Variants in PDE1C observed in about 807,000 individuals in gnomAD.
PDE1C encodes phosphodiesterase 1C, also known as dual specificity calcium/calmodulin-dependent 3',5'-cyclic nucleotide phosphodiesterase 1C.
Under a neutral mutation model 93.1 loss-of-function variants are expected in PDE1C, and 62 were observed. The ratio of observed to expected loss-of-function variants is 0.67; its 90% CI spans 0.54 to 0.82. The LOEUF (loss-of-function observed/expected upper bound fraction) is 0.82. Ranked by LOEUF, PDE1C falls within the 40% of genes least tolerant of loss-of-function variation. PDE1C has a pLI of 0.00. For missense variants in PDE1C, 742 were observed against 884.6 expected, an observed-to-expected ratio of 0.84 and a Z score of 2.04; for synonymous variants, 325 against 310.1, an observed-to-expected ratio of 1.05 and a Z score of -0.50.
chr7:31,884,799 C>T (rs1245504503), intron 2 of PDE1C, among the ~76,000 whole-genome samples: 3 of 152,224 alleles, frequency 2.0e-5, no homozygotes, highest in Non-Finnish European at 2.9e-5. Flanking sequence ...TTATCATTGG[C>T]CAATTTAAGT....
chr7:32,422,068 G>C (rs1461920062), intron 1 of PDE1C, among the ~76,000 whole-genome samples: 6 of 152,154 alleles, frequency 3.9e-5, no homozygotes, highest in Non-Finnish European at 8.8e-5. Flanking sequence ...GAAGTGTGTT[G>C]GGGAAAGCAG....
intron 11 of PDE1C, 76 bp from the exon 12 acceptor site, chr7:31,828,449 C>T (rs748199293): frequency 1.6e-4 from 159 of 998,158 alleles, no homozygotes; most frequent in Admixed American, 5.4e-4. Context: ...CAACTTCTGC[C>T]GCCACGGAGG....
chr7:31,664,252 T>C, the PDE1C span, among the ~76,000 whole-genome samples: 1 of 152,186 alleles, frequency 6.6e-6, no homozygotes, highest in African/African-American at 2.4e-5. Context: ...TTTTTCTAGC[T>C]TTCAGCATTG....
chr7:32,139,030 G>A (rs1800363722), intron 3 of PDE1C, among the ~76,000 whole-genome samples: 1 of 152,198 alleles, frequency 6.6e-6, no homozygotes. Flanking sequence ...AACTCAGTTT[G>A]TAATTTTATT....
intron 1 of PDE1C, among the ~76,000 whole-genome samples, chr7:32,392,789 G>A (rs1402867192): frequency 1.3e-5 from 2 of 152,004 alleles, no homozygotes; most frequent in Non-Finnish European, 1.5e-5. Flanking sequence ...GGTGGCTCTT[G>A]CCTGTAATCC....
intron 2 of PDE1C, among the ~76,000 whole-genome samples, chr7:31,901,552 A>G (rs1476716142): frequency 6.6e-6 from 1 of 151,160 alleles, no homozygotes; most frequent in Non-Finnish European, 1.5e-5. Flanking sequence ...AAAGATATAA[A>G]TTTCTCCTCA....
intron 1 of PDE1C, among the ~76,000 whole-genome samples, chr7:32,322,184 T>C (rs978309271): frequency 6.6e-6 from 1 of 152,232 alleles, no homozygotes; most frequent in Non-Finnish European, 1.5e-5. Context: ...GTTACTCAGA[T>C]TATAAGTGAT....
chr7:32,206,089 A>G (rs938742992), intron 2 of PDE1C, among the ~76,000 whole-genome samples: 5 of 152,174 alleles, frequency 3.3e-5, no homozygotes, highest in Admixed American at 2.6e-4. Flanking sequence ...TTACCTGCTC[A>G]ACGCGGCACA....
chr7:31,920,828 C>T lies in PDE1C; in HGVS notation c.129-39968G>A, dbSNP rs533197632. Among the ~76,000 whole-genome samples, 65 of 152,278 alleles carry T rather than the reference C, an allele frequency of 4.3e-4. 1 individual carries two copies. Among genetic ancestry groups the T allele is most frequent in the African/African-American group, 1.5e-3 (62 of 41,554 alleles). On this transcript the variant is annotated intron_variant, in intron 2 of 17. Transcript: ENST00000396191. ...TGGTATGACTATTTTCTGATTCCAGCTATTCATCCTATTTTCCTTTACATC... is the reference window on the plus strand; with the variant it reads ...TGGTATGACTATTTTCTGATTCCAGTTATTCATCCTATTTTCCTTTACATC...
At chr7:31,706,040 T>TA in the PDE1C span, among the ~76,000 whole-genome samples, 1 of 133,580 alleles carries the variant, frequency 7.5e-6, no homozygotes. Context: ...AGTCTTGCTC[T>TA]GTTGCCCAGG....
At chr7:31,619,119 CACA>C in the PDE1C span, among the ~76,000 whole-genome samples, 1 of 152,160 alleles carries the variant, frequency 6.6e-6, no homozygotes, top group Non-Finnish European at 1.5e-5. Context: ...GTATATTAGT[CACA>C]ACATTTCATT....
At chr7:32,341,177 T>TTTTATTTTTTTTTTTTA (rs1562682182) in intron 1 of PDE1C, among the ~76,000 whole-genome samples, 5 of 109,406 alleles carry the variant, frequency 4.6e-5, no homozygotes, top group Middle Eastern at 4.2e-3. Context: ...TAAAGTCTTT[T>TTTTATTTTTTTTTTTTA]TTTTTTTTTT....
intron 1 of PDE1C, among the ~76,000 whole-genome samples, chr7:32,061,226 C>T (rs1278339359): frequency 1.3e-5 from 2 of 152,176 alleles, no homozygotes; most frequent in Non-Finnish European, 2.9e-5. Flanking sequence ...AATTATTGCT[C>T]TTCTGGTGGC....
chr7:32,266,259 G>A (rs1275905002), intron 1 of PDE1C, among the ~76,000 whole-genome samples: 1 of 150,414 alleles, frequency 6.6e-6, no homozygotes, highest in Non-Finnish European at 1.5e-5. Context: ...TCCAGCCTGG[G>A]CGACAGAGCA....
At chr7:31,780,709 T>C (rs1783339771) in intron 16 of PDE1C, among the ~76,000 whole-genome samples, 1 of 152,154 alleles carries the variant, frequency 6.6e-6, no homozygotes, top group Admixed American at 6.5e-5. Context: ...TGACAGTGCT[T>C]AGCAAACTGT....
intron 3 of PDE1C, among the ~76,000 whole-genome samples, chr7:32,140,676 T>G (rs1459982856): frequency 6.6e-6 from 1 of 152,094 alleles, no homozygotes; most frequent in Non-Finnish European, 1.5e-5. Context: ...GCTAGGTAGG[T>G]AGGGTATGAT....
intron 2 of PDE1C, among the ~76,000 whole-genome samples, chr7:32,170,399 T>G (rs1243210192): frequency 1.3e-5 from 2 of 152,104 alleles, no homozygotes; most frequent in Non-Finnish European, 2.9e-5. Flanking sequence ...CTTTAAGAAC[T>G]AGAACTCACC....
chr7:31,785,846 G>C (rs1783870597), intron 16 of PDE1C: 1 of 152,142 alleles, frequency 6.6e-6, no homozygotes, highest in South Asian at 2.1e-4. Flanking sequence ...GTAAAATCTG[G>C]CCTTGGCAGG....
chr7:32,031,096 G>A (rs1232932266), intron 2 of PDE1C, among the ~76,000 whole-genome samples: 1 of 152,096 alleles, frequency 6.6e-6, no homozygotes, highest in African/African-American at 2.4e-5. Flanking sequence ...TATGGAATGT[G>A]TTTTGTCCTT....
Sources: allele counts gnomAD v4.1 joint callset (sites outside exome capture counted in the v4.1 genomes callset), GRCh38; gene constraint gnomAD v4.1.1; transcripts MANE v1.5; gene names NCBI Gene and HGNC (gene_info 2026-07-23, HGNC 2026-07-21).